C4orf33: variants seen among roughly 807,000 people sequenced by gnomAD.
C4orf33 encodes the protein UPF0462 protein C4orf33.
In C4orf33, 20 loss-of-function variants were observed where a neutral mutation model predicts 24.3. That is an observed-to-expected ratio of 0.82 (90% CI 0.58 to 1.19). The LOEUF (loss-of-function observed/expected upper bound fraction) is 1.19. C4orf33 is among the 50% of genes most tolerant of loss of function. The pLI is 0.00. For synonymous variants in C4orf33, 67 were observed against 76.4 expected (o/e 0.88, Z 0.64); for missense variants, 207 against 225.9 (o/e 0.92, Z 0.54).
At chr4:129,101,852 T>C (rs966400611) in intron 1 of C4orf33, among the ~76,000 whole-genome samples, 22 of 152,140 alleles carry the variant, frequency 1.4e-4, no homozygotes, top group Non-Finnish European at 2.1e-4. Context: ...CATTTTTCAG[T>C]TGGAGAGAGG....
In C4orf33 at chr4:129,109,292, T is replaced by C. The variant is rs1462967182; in HGVS notation, c.243-15T>C. 2.5e-6 allele frequency: 4 copies of C among 1,611,742 alleles called. No individual in the cohort carries two copies. Among genetic ancestry groups the C allele is most frequent in the Non-Finnish European group, 3.4e-6 (4 of 1,177,838 alleles). ...ATGTTTTTCAAACACTCATGAGGAA[T>C]CTTAATTTTGACAGCCACGGACAGC... On this transcript the variant is annotated splice_polypyrimidine_tract_variant and intron_variant, in intron 3 of 5. Transcript: ENST00000425929.
intron 1 of C4orf33, among the ~76,000 whole-genome samples, chr4:129,100,429 A>G (rs1753319549): frequency 6.6e-6 from 1 of 152,066 alleles, no homozygotes; most frequent in Non-Finnish European, 1.5e-5. Context: ...GGTCCAGGGA[A>G]GCCAAAATAT....
At chr4:129,102,989 G>C (rs1753407072) in intron 2 of C4orf33, 198 bp downstream of exon 2, 1 of 340,044 alleles carries the variant, frequency 2.9e-6, no homozygotes, top group Non-Finnish European at 5.2e-6. Flanking sequence ...AACAAAAACA[G>C]TTAAAAAATG....
intron 2 of C4orf33, among the ~76,000 whole-genome samples, chr4:129,106,325 A>G (rs1014872004): frequency 2.0e-5 from 3 of 152,034 alleles, no homozygotes; most frequent in Admixed American, 2.0e-4. Context: ...TGATAATGTT[A>G]ATTTCTTTAC....
chr4:129,096,032 C>A (rs184077064), upstream of C4orf33: 1 of 152,298 alleles, frequency 6.6e-6, no homozygotes, highest in African/African-American at 2.4e-5. Context: ...TAGAAGTCTT[C>A]AGTTGTTCAT....
chr4:129,106,772 A>C (rs1032424583), intron 3 of C4orf33, 125 bp downstream of exon 3: 7 of 528,724 alleles, frequency 1.3e-5, no homozygotes, highest in African/African-American at 1.2e-4. Context: ...ATTTGCTTGA[A>C]TGATATGCTT....
intron 2 of C4orf33, among the ~76,000 whole-genome samples, chr4:129,105,660 T>C (rs1441369412): frequency 1.3e-5 from 2 of 152,150 alleles, no homozygotes; most frequent in African/African-American, 2.4e-5. Flanking sequence ...TTCTATAAAA[T>C]ACTACTATTC....
At position 129,114,643 on chromosome 4, in the gene C4orf33, C is replaced by G. The variant is rs1244583160; in HGVS notation, c.*2852C>G. 1 of 152,120 alleles carries G rather than the reference C, an allele frequency of 6.6e-6. No homozygotes were observed. The highest frequency in any genetic ancestry group is 1.5e-5 in the Non-Finnish European group (1 of 68,030). 9.4% of individuals were successfully genotyped at this position (152,120 alleles called of 1,614,324 possible). ...AATTGTATCACAGGGCATTTGGTGACAAGGACCCCATTGTTGGTGGTAATG... is the reference window on the plus strand; with the variant it reads ...AATTGTATCACAGGGCATTTGGTGAGAAGGACCCCATTGTTGGTGGTAATG... On this transcript the variant is annotated 3_prime_UTR_variant, in exon 6 of 6. Transcript: ENST00000425929.
intron 1 of C4orf33, among the ~76,000 whole-genome samples, chr4:129,097,514 C>T (rs1409996260): frequency 1.3e-5 from 2 of 152,176 alleles, no homozygotes; most frequent in Non-Finnish European, 2.9e-5. Context: ...AGAGCTGCCT[C>T]ATTCATTTTA....
rs1663849454 is a variant in C4orf33 at position 129,102,863 on chromosome 4, T to C, written c.181+72T>C. 3 of 1,386,846 alleles carry C rather than the reference T, an allele frequency of 2.2e-6. No individual in the cohort carries two copies. In the Admixed American group the frequency reaches 6.5e-5, roughly 30 times the overall value. 85.9% of individuals were successfully genotyped at this position (1,386,846 alleles called of 1,614,324 possible). A position where few individuals can be genotyped will look rare whatever the true frequency, so the allele number is the denominator to read the frequency against. On this transcript the variant is annotated intron_variant, in intron 2 of 5. Coordinates refer to ENST00000425929, the MANE Select transcript of C4orf33 (RefSeq NM_001099783.2). ...ATAACCTCTCACAGAACTATTATTTTATCTTGCTGTTGGGAAGTAAGTGCT... is the reference window on the plus strand; with the variant it reads ...ATAACCTCTCACAGAACTATTATTTCATCTTGCTGTTGGGAAGTAAGTGCT...
chr4:129,094,299 G>A (rs1753104800), upstream of C4orf33, among the ~76,000 whole-genome samples: 1 of 104,206 alleles, frequency 9.6e-6, no homozygotes, highest in African/African-American at 2.6e-5. Flanking sequence ...GACTTAAAAC[G>A]TATTTTTTTA....
At chr4:129,098,161 T>A (rs1753254806) in intron 1 of C4orf33, among the ~76,000 whole-genome samples, 1 of 152,160 alleles carries the variant, frequency 6.6e-6, no homozygotes. Context: ...ATTTATCTAT[T>A]ATTAAAAAAA....
chr4:129,105,636 A>G (rs1158578702), intron 2 of C4orf33, among the ~76,000 whole-genome samples: 3 of 152,222 alleles, frequency 2.0e-5, no homozygotes, highest in African/African-American at 7.2e-5. Context: ...GGATTAAGTG[A>G]GTAAGTTATA....
chr4:129,115,829 T>TATATATAA lies in C4orf33; in HGVS notation c.*4039_*4040insTATATAAA, dbSNP rs1491199651. ...ATATATATATATATATATATATATA[T>TATATATAA]AAAATATATATGTTTATATATAACA... is the stretch of plus-strand genomic sequence containing the variant. On this transcript the variant is annotated 3_prime_UTR_variant, in exon 6 of 6. Transcript: ENST00000425929. 3 of 47,684 alleles carry TATATATAA rather than the reference T, an allele frequency of 6.3e-5. No homozygotes were observed. The highest frequency in any genetic ancestry group is 1.8e-4 in the African/African-American group (3 of 16,894). The allele number at this position is 47,684 out of a possible 1,614,324, so 3.0% of individuals were successfully genotyped here. A position where few individuals can be genotyped will look rare whatever the true frequency, so the allele number is the denominator to read the frequency against.
At chr4:129,094,880 T>C (rs1753139700), upstream of C4orf33, among the ~76,000 whole-genome samples, 1 of 152,224 alleles carries the variant, frequency 6.6e-6, no homozygotes, top group Non-Finnish European at 1.5e-5. Flanking sequence ...TCCAAGGACT[T>C]GCTTGTAACT....
At chr4:129,107,197 G>A (rs1190243751) in intron 3 of C4orf33, among the ~76,000 whole-genome samples, 1 of 151,650 alleles carries the variant, frequency 6.6e-6, no homozygotes, top group African/African-American at 2.4e-5. Context: ...TCAGTGCCAG[G>A]GTTTAAAAAC....
Position 129,100,351 on chromosome 4 carries a change from A to G in C4orf33, c.-9-2251A>G, listed in dbSNP as rs999436444. On this transcript the variant is annotated intron_variant, in intron 1 of 5. Transcript: ENST00000425929. ...ATTTTGATTTTTTTTTTTTTGGCTC[A>G]TCAGCTATTGTTAGTGTTAGTGCAT... Among the ~76,000 whole-genome samples the G allele has an allele frequency of 1.2e-4, 18 of 146,958 alleles. No individual in the cohort carries two copies. The East Asian group carries it at 2.6e-3, about 21-fold the overall frequency.
upstream of C4orf33, chr4:129,094,059 T>C (rs1309795228): frequency 1.3e-5 from 2 of 152,190 alleles, no homozygotes; most frequent in African/African-American, 2.4e-5. Context: ...TGTGGGTCTT[T>C]AGACAAAGGA....
chr4:129,099,578 A>G lies in C4orf33; in HGVS notation c.-9-3024A>G, dbSNP rs149711496. Among the ~76,000 whole-genome samples, 14 of 152,362 alleles carry G rather than the reference A, an allele frequency of 9.2e-5. No homozygotes were observed. In the East Asian group the frequency reaches 2.7e-3, roughly 29 times the overall value. ...CATTCTAGCTGGGTTCAGGGAGTCA[A>G]TAAACAAATATGTAATGCCATGTAA... On this transcript the variant is annotated intron_variant, in intron 1 of 5. Coordinates refer to ENST00000425929, the MANE Select transcript of C4orf33 (RefSeq NM_001099783.2).
Sources: gnomAD v4.1 joint callset for allele counts (sites outside exome capture counted in the v4.1 genomes callset) on GRCh38, gnomAD v4.1.1 for gene constraint, MANE v1.5 for transcripts, NCBI Gene and HGNC (gene_info 2026-07-23, HGNC 2026-07-21) for gene names.